Variants in MYO1E observed in about 807,000 individuals in gnomAD.
MYO1E encodes the protein unconventional myosin-Ie.
In MYO1E, 68 loss-of-function variants were observed where a neutral mutation model predicts 151.1. The ratio of observed to expected loss-of-function variants is 0.45; its 90% CI spans 0.37 to 0.55. The LOEUF (loss-of-function observed/expected upper bound fraction) is 0.55. Among genes scored for constraint, MYO1E ranks in the 20% least tolerant of loss-of-function variants. The pLI, the probability that MYO1E is intolerant of heterozygous loss-of-function variation, is 0.00. For missense variants in MYO1E, 1,363 were observed against 1,389.3 expected (o/e 0.98, Z 0.30); for synonymous variants, 601 against 501.7 (o/e 1.20, Z -2.64).
At chr15:59,278,474 A>C (rs1272107080) in intron 1 of MYO1E, among the ~76,000 whole-genome samples, 1 of 152,158 alleles carries the variant, frequency 6.6e-6, no homozygotes, top group Non-Finnish European at 1.5e-5. Context: ...ATTTTACTGG[A>C]CTGAAACATT....
At chr15:59,247,183 G>C (rs117877776) in intron 4 of MYO1E, among the ~76,000 whole-genome samples, 1 of 152,156 alleles carries the variant, frequency 6.6e-6, no homozygotes, top group Non-Finnish European at 1.5e-5. Flanking sequence ...GTGACAGAGC[G>C]AGACTCTTTT....
At chr15:59,250,574 G>A (rs537175367) in intron 4 of MYO1E, among the ~76,000 whole-genome samples, 3 of 152,172 alleles carry the variant, frequency 2.0e-5, no homozygotes, top group Non-Finnish European at 2.9e-5. Flanking sequence ...AATCCTAAGT[G>A]TAGGGCTTTT....
At chr15:59,278,907 G>A (rs1486583323) in intron 1 of MYO1E, among the ~76,000 whole-genome samples, 2 of 152,146 alleles carry the variant, frequency 1.3e-5, no homozygotes, top group Non-Finnish European at 2.9e-5. Flanking sequence ...TACAAATGGA[G>A]AAACTGAAGC....
rs140713129 is a variant in MYO1E at position 59,305,333 on chromosome 15, A to G, written c.4-32884T>C. Among the ~76,000 whole-genome samples the G allele has an allele frequency of 3.4e-3, 517 of 152,204 alleles. 4 individuals carry two copies. The highest frequency in any genetic ancestry group is 0.012 in the African/African-American group (499 of 41,506). Reference sequence around the variant, plus strand: ...CTCGGCCTTCTGAGTAGTTGGGACTACAAGCACACACCACCATGCCCGGCT... The same window carrying G: ...CTCGGCCTTCTGAGTAGTTGGGACTGCAAGCACACACCACCATGCCCGGCT... On this transcript the variant is annotated intron_variant, in intron 1 of 27. Transcript: ENST00000288235.
At chr15:59,226,433 C>A (rs1436107705) in intron 7 of MYO1E, among the ~76,000 whole-genome samples, 3 of 152,168 alleles carry the variant, frequency 2.0e-5, no homozygotes, top group African/African-American at 7.2e-5. Context: ...ATATAAAATA[C>A]TAATAAGTAA....
chr15:59,180,110 GATA>G (rs1313865704), intron 18 of MYO1E, among the ~76,000 whole-genome samples: 1 of 152,056 alleles, frequency 6.6e-6, no homozygotes, highest in Non-Finnish European at 1.5e-5. Context: ...CATCTTGCCT[GATA>G]ATATCATAAA....
chr15:59,211,620 T>C (rs1311672448), intron 12 of MYO1E, among the ~76,000 whole-genome samples: 1 of 152,320 alleles, frequency 6.6e-6, no homozygotes, highest in South Asian at 2.1e-4. Flanking sequence ...ACTTAACCTG[T>C]TTAGAGGAAC....
intron 1 of MYO1E, among the ~76,000 whole-genome samples, chr15:59,335,699 A>G (rs1470332762): frequency 6.6e-6 from 1 of 152,170 alleles, no homozygotes; most frequent in African/African-American, 2.4e-5. Flanking sequence ...TGCCTCAGAG[A>G]TAGGCCACTG....
intron 16 of MYO1E, among the ~76,000 whole-genome samples, chr15:59,201,684 G>A (rs2079803200): frequency 6.6e-6 from 1 of 152,150 alleles, no homozygotes; most frequent in Non-Finnish European, 1.5e-5. Context: ...GATTACAGGC[G>A]TGAGCCACCG....
rs1449314033 is a variant in MYO1E at position 59,233,115 on chromosome 15, C to CT, written c.421-1325dup. Among the ~76,000 whole-genome samples, 934 of 146,412 alleles carry CT rather than the reference C, an allele frequency of 6.4e-3. 14 individuals carry two copies. The highest frequency in any genetic ancestry group is 0.022 in the African/African-American group (875 of 39,894). On this transcript the variant is annotated intron_variant, in intron 5 of 27. Coordinates refer to ENST00000288235, the MANE Select transcript of MYO1E (RefSeq NM_004998.4). ...GTGGATCTTCATTAACTCTTTCTAT[C>CT]TTTTTTTTTGCTGGCCAGACATGCC...
chr15:59,215,570 AG>A (rs2079908412), intron 10 of MYO1E, among the ~76,000 whole-genome samples: 1 of 152,098 alleles, frequency 6.6e-6, no homozygotes, highest in South Asian at 2.1e-4. Context: ...GCAGTGGGGG[AG>A]GAATGTAAGC....
chr15:59,143,968 T>A lies in MYO1E; in HGVS notation c.3081-5601A>T, dbSNP rs374507875. ...TCCAGAACATGGGTCAATTGTAGCA[T>A]GACAGTGACTTGTGTGGCTATTTGG... On this transcript the variant is annotated intron_variant, in intron 26 of 27. Transcript: ENST00000288235. 3.9e-5 allele frequency among the ~76,000 whole-genome samples: 6 copies of A among 152,286 alleles called. No homozygotes were observed. The East Asian group carries it at 7.7e-4, about 20-fold the overall frequency.
chr15:59,178,344 CG>C (rs1566971518), intron 19 of MYO1E, 48 bp downstream of exon 19: 2 of 1,607,740 alleles, frequency 1.2e-6, no homozygotes, highest in Non-Finnish European at 1.7e-6. Context: ...GCAGGGCTGG[CG>C]GGGGCCCCGC....
intron 18 of MYO1E, among the ~76,000 whole-genome samples, chr15:59,183,990 C>A (rs755756908): frequency 6.6e-6 from 1 of 152,116 alleles, no homozygotes; most frequent in East Asian, 1.9e-4. Flanking sequence ...CCAATTCCAT[C>A]GTGTTGTTGC....
At chr15:59,305,319 G>A (rs572421073) in intron 1 of MYO1E, among the ~76,000 whole-genome samples, 15 of 152,122 alleles carry the variant, frequency 9.9e-5, no homozygotes, top group Admixed American at 2.0e-4. Flanking sequence ...TCGGCCTTCT[G>A]AGTAGTTGGG....
chr15:59,177,641 C>G (rs550404249), intron 19 of MYO1E, among the ~76,000 whole-genome samples: 49 of 152,308 alleles, frequency 3.2e-4, no homozygotes, highest in African/African-American at 1.2e-3. Flanking sequence ...AGCCCTGGAG[C>G]AAACTGGGCA....
At chr15:59,317,791 T>C (rs1219769002) in intron 1 of MYO1E, among the ~76,000 whole-genome samples, 1 of 152,216 alleles carries the variant, frequency 6.6e-6, no homozygotes, top group African/African-American at 2.4e-5. Flanking sequence ...AGAATGCTGG[T>C]GTGACAGAGC....
intron 24 of MYO1E, among the ~76,000 whole-genome samples, chr15:59,160,357 GT>G (rs2079531236): frequency 6.7e-6 from 1 of 148,268 alleles, no homozygotes; most frequent in Non-Finnish European, 1.5e-5. Context: ...GTGTGTGTGT[GT>G]GTGTGTGTGT....
At chr15:59,230,659 T>C (rs1161656517) in intron 6 of MYO1E, among the ~76,000 whole-genome samples, 2 of 152,132 alleles carry the variant, frequency 1.3e-5, no homozygotes, top group Admixed American at 6.5e-5. Context: ...TTGAATAATA[T>C]TGGAAAGCAA....
Sources: allele counts gnomAD v4.1 joint callset (sites outside exome capture counted in the v4.1 genomes callset), GRCh38; gene constraint gnomAD v4.1.1; transcripts MANE v1.5; gene names NCBI Gene and HGNC (gene_info 2026-07-23, HGNC 2026-07-21).